The following FAM118B variants were observed in gnomAD, a reference collection of about 807,000 sequenced individuals.
FAM118B encodes protein FAM118B.
A neutral mutation model predicts 38.5 loss-of-function variants in FAM118B; 24 were observed. The observed-to-expected ratio is 0.62, with a 90% CI of 0.45 to 0.88. The LOEUF (loss-of-function observed/expected upper bound fraction) is 0.88. Ranked by LOEUF, FAM118B falls within the 40% of genes least tolerant of loss-of-function variation. The pLI is 0.00. For missense variants in FAM118B, 334 were observed against 420.0 expected (o/e 0.80, Z 1.79); for synonymous variants, 138 against 156.3 (o/e 0.88, Z 0.87).
chr11:126,217,069 C>T (rs182183682), intron 1 of FAM118B, among the ~76,000 whole-genome samples: 10 of 152,266 alleles, frequency 6.6e-5, no homozygotes, highest in African/African-American at 7.2e-5. Flanking sequence ...ATCTTTGAGA[C>T]GTGGGAGGAA....
chr11:126,215,558 G>A (rs986222419), intron 1 of FAM118B, among the ~76,000 whole-genome samples: 22 of 151,884 alleles, frequency 1.4e-4, no homozygotes, highest in Admixed American at 5.2e-4. Context: ...TTAGCTGGGC[G>A]TGGTGGCAGG....
rs1591529376 is a variant in FAM118B, at chr11:126,256,997, TTAGAC to T, written c.982+148_982+152del. The T allele has an allele frequency of 2.5e-6, 2 of 815,876 alleles. No individual in the cohort carries two copies. The highest frequency in any genetic ancestry group is 1.7e-5 in the African/African-American group (1 of 58,446). The allele number at this position is 815,876 out of a possible 1,614,324, so 50.5% of individuals were successfully genotyped here. On this transcript the variant is annotated intron_variant, in intron 7 of 8. Coordinates refer to ENST00000533050, the MANE Select transcript of FAM118B (RefSeq NM_024556.4). The surrounding 1 kb of genome is among the most constrained non-coding windows in gnomAD (Gnocchi z 6.6). ...TGTAAAGGAGGCCACAGTCTTCAGG[TTAGAC>T]TAAAGTGCCACTTGGATTATGGGAA...
At chr11:126,242,498 C>G (rs7939861) in intron 4 of FAM118B, among the ~76,000 whole-genome samples, 5 of 151,932 alleles carry the variant, frequency 3.3e-5, no homozygotes, top group Non-Finnish European at 7.4e-5. Context: ...ATCTCATAGG[C>G]GTATAATATC....
intron 1 of FAM118B, 30 bp from the exon 2 acceptor site, chr11:126,229,195 T>G (rs971563478): frequency 6.6e-6 from 1 of 152,188 alleles, no homozygotes; most frequent in African/African-American, 2.4e-5. Context: ...AAAAGTCTCC[T>G]TACTTAGCAA....
rs544959184 is a variant in FAM118B, at chr11:126,240,822, G to A, written c.117G>A (p.Lys39=). The part of the protein sequence containing the change: ...RKLLPSLKTK[K]PRELVLVIGT... Reference sequence around the variant, plus strand: ...TGCTTCCAAGCTTAAAAACTAAGAAGCCTCGAGAACTTGTGCTAGTGATTG... The same window carrying A: ...TGCTTCCAAGCTTAAAAACTAAGAAACCTCGAGAACTTGTGCTAGTGATTG... Residue 39 remains lysine (K), a synonymous_variant, in exon 4 of 9, where the codon AAG becomes AAA. Transcript: ENST00000533050. 2 of 1,608,462 alleles carry A rather than the reference G, an allele frequency of 1.2e-6. No individual in the cohort carries two copies. The highest frequency in any genetic ancestry group is 3.4e-5 in the Admixed American group (2 of 58,352).
In FAM118B at chr11:126,252,213, C is replaced by T. The variant is rs893470032; in HGVS notation, c.567+1480C>T. 2.6e-5 allele frequency among the ~76,000 whole-genome samples: 4 copies of T among 152,294 alleles called. No homozygotes were observed. Among genetic ancestry groups the T allele is most frequent in the Non-Finnish European group, 5.9e-5 (4 of 68,028 alleles). ...TGTTGGCCAGGCTGGTCTCGAACTC[C>T]TGACCTCAGGTGATCTGCCCACCTT... On this transcript the variant is annotated intron_variant, in intron 5 of 8. Transcript: ENST00000533050. The surrounding 1 kb of genome is among the most constrained non-coding windows in gnomAD (Gnocchi z 4.7).
chr11:126,213,346 A>G (rs1482329902), intron 1 of FAM118B, among the ~76,000 whole-genome samples: 1 of 152,202 alleles, frequency 6.6e-6, no homozygotes, highest in Non-Finnish European at 1.5e-5. Context: ...GGCAGGTGTA[A>G]ATGCAGATCC....
At chr11:126,254,011 T>A (rs984388570) in intron 5 of FAM118B, among the ~76,000 whole-genome samples, 1 of 152,186 alleles carries the variant, frequency 6.6e-6, no homozygotes, top group African/African-American at 2.4e-5. Flanking sequence ...TGTCCATAGC[T>A]CTCATGCATG....
intron 3 of FAM118B, among the ~76,000 whole-genome samples, chr11:126,237,685 A>T (rs1950296130): frequency 1.5e-4 from 1 of 6,548 alleles, no homozygotes; most frequent in Non-Finnish European, 2.8e-4. Flanking sequence ...TCTACTAAAA[A>T]AAAAAAAAAA....
intron 4 of FAM118B, among the ~76,000 whole-genome samples, chr11:126,243,686 TTGAGGTCAG>T (rs1371940850): frequency 6.6e-6 from 1 of 151,990 alleles, no homozygotes; most frequent in African/African-American, 2.4e-5. Context: ...GGCAGATCAC[TTGAGGTCAG>T]GAGTTCGAGA....
At chr11:126,232,333 C>A (rs553045783) in intron 2 of FAM118B, among the ~76,000 whole-genome samples, 5 of 152,198 alleles carry the variant, frequency 3.3e-5, no homozygotes, top group Non-Finnish European at 7.4e-5. Context: ...ACCAAGTACC[C>A]GATCTTTCTG....
chr11:126,229,989 G>A (rs1361127822), intron 2 of FAM118B, among the ~76,000 whole-genome samples: 1 of 152,216 alleles, frequency 6.6e-6, no homozygotes, highest in East Asian at 1.9e-4. Context: ...GGAAATGAGT[G>A]TGATACAGAT....
chr11:126,214,488 C>CTGTTTT (rs1949942147), intron 1 of FAM118B: 1 of 34,856 alleles, frequency 2.9e-5, no homozygotes, highest in Non-Finnish European at 5.9e-5. Context: ...TCTTTTGTTT[C>CTGTTTT]TGTTTTTTTT....
In FAM118B at chr11:126,256,009, G is replaced by T. The variant is rs1413460528; in HGVS notation, c.697-558G>T. ...CTACTGGCCAAGTGCAGTGGCTCAC[G>T]CCTGTAATCCCAGCACTTTGGGAGG... On this transcript the variant is annotated intron_variant, in intron 6 of 8. Coordinates refer to ENST00000533050, the MANE Select transcript of FAM118B (RefSeq NM_024556.4). The surrounding 1 kb of genome is among the most constrained non-coding windows in gnomAD (Gnocchi z 6.6). Among the ~76,000 whole-genome samples, 1 of 152,076 alleles carries T rather than the reference G, an allele frequency of 6.6e-6. No homozygotes were observed. The highest frequency in any genetic ancestry group is 1.5e-5 in the Non-Finnish European group (1 of 68,022).
Position 126,262,250 on chromosome 11 carries a change from A to T in FAM118B, c.*117A>T. Reference sequence around the variant, plus strand: ...ATTCCCAGAAAGTAACAATAGCCAGAGGTTGAAGGGCGGGGTAGAAGAGGG... The same window carrying T: ...ATTCCCAGAAAGTAACAATAGCCAGTGGTTGAAGGGCGGGGTAGAAGAGGG... On this transcript the variant is annotated 3_prime_UTR_variant, in exon 9 of 9. Transcript: ENST00000533050. 9.5e-7 allele frequency: 1 copy of T among 1,051,216 alleles called. No individual in the cohort carries two copies. The highest frequency in any genetic ancestry group is 1.4e-6 in the Non-Finnish European group (1 of 700,144). The allele number at this position is 1,051,216 out of a possible 1,614,324, so 65.1% of individuals were successfully genotyped here. A position where few individuals can be genotyped will look rare whatever the true frequency, so the allele number is the denominator to read the frequency against.
At chr11:126,241,728 T>C (rs1950360904) in intron 4 of FAM118B, among the ~76,000 whole-genome samples, 1 of 152,240 alleles carries the variant, frequency 6.6e-6, no homozygotes, top group East Asian at 1.9e-4. Context: ...TTTTGTATTT[T>C]TAGTAGAGAC....
In FAM118B at chr11:126,214,492, TTTTTTTTTTTG is replaced by T. The variant is rs1176121203; in HGVS notation, c.-77+2684_-77+2694del. ...CTGCAAAAAACTCTTTTGTTTCTGT[TTTTTTTTTTTG>T]TTTTTTTTTTGTTTTTTTTTTTTTA... On this transcript the variant is annotated intron_variant, in intron 1 of 8. Transcript: ENST00000533050. 9 of 84,002 alleles carry T rather than the reference TTTTTTTTTTTG, an allele frequency of 1.1e-4. No homozygotes were observed. In the South Asian group the frequency reaches 3.5e-3, roughly 33 times the overall value. The allele number at this position is 84,002 out of a possible 1,614,324, so 5.2% of individuals were successfully genotyped here. A position where few individuals can be genotyped will look rare whatever the true frequency, so the allele number is the denominator to read the frequency against.
Position 126,240,933 on chromosome 11 carries a change from C to A in FAM118B, c.228C>A (p.Ala76=), listed in dbSNP as rs749776651. ...TAATTCAGGCCTTACTGGATGCTGC[C>A]ATTGATTTTGATCTTTTAGAAGATG... ...KGLIQALLDA[A]IDFDLLEDEE... The change falls in exon 4 of 9, where the codon GCC becomes GCA. Residue 76 remains alanine (A), a synonymous_variant. Coordinates refer to ENST00000533050, the MANE Select transcript of FAM118B (RefSeq NM_024556.4). 5.1e-5 allele frequency: 83 copies of A among 1,614,106 alleles called. No individual in the cohort carries two copies. The highest frequency in any genetic ancestry group is 2.5e-4 in the South Asian group (23 of 91,076).
intron 4 of FAM118B, among the ~76,000 whole-genome samples, chr11:126,243,378 C>T (rs1950382056): frequency 6.6e-6 from 1 of 151,404 alleles, no homozygotes; most frequent in Admixed American, 6.6e-5. Flanking sequence ...GCACAAGCAT[C>T]ACTTGGGCCC....
Sources: gnomAD v4.1 joint callset for allele counts (sites outside exome capture counted in the v4.1 genomes callset) on GRCh38, gnomAD v4.1.1 for gene constraint, Gnocchi (gnomAD v3.1) non-coding constraint, MANE v1.5 for transcripts, NCBI Gene and HGNC (gene_info 2026-07-23, HGNC 2026-07-21) for gene names.